LAMA2: variants seen among roughly 807,000 people sequenced by gnomAD.
The protein encoded by LAMA2 is laminin subunit alpha 2, also known as laminin subunit alpha-2.
Under a neutral mutation model 364.8 loss-of-function variants are expected in LAMA2, and 269 were observed. That is an observed-to-expected ratio of 0.74 (90% confidence interval 0.67 to 0.82). The LOEUF (loss-of-function observed/expected upper bound fraction) is 0.82, where lower values mean the gene tolerates loss of function less well. LAMA2 is among the 40% of genes least tolerant of loss of function. LAMA2 has a pLI of 0.00. For missense variants in LAMA2, 3,807 were observed against 3,873.2 expected, an observed-to-expected ratio of 0.98 and a Z score of 0.45; for synonymous variants, 1,379 against 1,370.6, an observed-to-expected ratio of 1.01 and a Z score of -0.14.
chr6:129,420,194 T>A (rs1409493096), intron 40 of LAMA2, among the ~76,000 whole-genome samples: 1 of 152,114 alleles, frequency 6.6e-6, no homozygotes, highest in Admixed American at 6.5e-5. Flanking sequence ...ACTATGGGAA[T>A]GAACATCACA....
intron 45 of LAMA2, among the ~76,000 whole-genome samples, chr6:129,449,903 A>G (rs1418898669): frequency 6.6e-6 from 1 of 151,322 alleles, no homozygotes; most frequent in African/African-American, 2.4e-5. Flanking sequence ...CCCAGGTTCA[A>G]GCAATTCTCC....
intron 4 of LAMA2, among the ~76,000 whole-genome samples, chr6:129,114,686 A>T (rs1776360675): frequency 6.6e-6 from 1 of 151,962 alleles, no homozygotes; most frequent in African/African-American, 2.4e-5. Context: ...GAAAGACGCT[A>T]CTGTTTACGA....
intron 55 of LAMA2, among the ~76,000 whole-genome samples, chr6:129,485,530 A>G (rs1216233850): frequency 2.0e-5 from 3 of 152,202 alleles, no homozygotes; most frequent in Non-Finnish European, 2.9e-5. Flanking sequence ...GACAAGTTTT[A>G]TATTTCAAAG....
At chr6:128,951,665 G>A (rs1272291222) in intron 1 of LAMA2, among the ~76,000 whole-genome samples, 1 of 152,074 alleles carries the variant, frequency 6.6e-6, no homozygotes, top group Non-Finnish European at 1.5e-5. Context: ...TTGCAGTCTA[G>A]TGTCATCAAG....
At chr6:129,346,497 G>A (rs985133558) in intron 30 of LAMA2, among the ~76,000 whole-genome samples, 1 of 151,972 alleles carries the variant, frequency 6.6e-6, no homozygotes, top group Admixed American at 6.6e-5. Context: ...CATTTACTAA[G>A]CATATACTTC....
At chr6:128,927,641 A>G (rs969682943) in intron 1 of LAMA2, among the ~76,000 whole-genome samples, 1 of 151,988 alleles carries the variant, frequency 6.6e-6, no homozygotes, top group African/African-American at 2.4e-5. Context: ...CCTGTTTCCA[A>G]ATTTCTGCTG....
chr6:129,393,863 C>T (rs544401872), intron 37 of LAMA2, among the ~76,000 whole-genome samples: 4 of 152,234 alleles, frequency 2.6e-5, no homozygotes, highest in East Asian at 3.9e-4. Flanking sequence ...TTTTTCTATG[C>T]GCTGTGTTCT....
intron 12 of LAMA2, among the ~76,000 whole-genome samples, chr6:129,215,084 T>C (rs1307789585): frequency 6.6e-6 from 1 of 152,192 alleles, no homozygotes; most frequent in African/African-American, 2.4e-5. Context: ...TTTGCTAATA[T>C]ATAGGAAAGC....
chr6:129,018,207 CAAAA>C lies in LAMA2; in HGVS notation c.113-31710_113-31707del, dbSNP rs1438049121. Among the ~76,000 whole-genome samples, 4 of 151,442 alleles carry C rather than the reference CAAAA, an allele frequency of 2.6e-5. No homozygotes were observed. The East Asian group carries it at 5.8e-4, about 22-fold the overall frequency. On this transcript the variant is annotated intron_variant, in intron 1 of 64. Coordinates refer to ENST00000421865, the MANE Select transcript of LAMA2 (RefSeq NM_000426.4). ...AATAATAAACTGTCTTTTTAGGAAA[CAAAA>C]GAAGTATTTTAGAAAAAGACATTAA...
chr6:128,933,352 G>C (rs1478018827), intron 1 of LAMA2, among the ~76,000 whole-genome samples: 2 of 151,936 alleles, frequency 1.3e-5, no homozygotes, highest in African/African-American at 4.8e-5. Flanking sequence ...TATCTTGACT[G>C]TTGTGAATGA....
At position 129,402,173 on chromosome 6, in the gene LAMA2, C is replaced by T. The variant is rs1780012651; in HGVS notation, c.5563-151C>T. ...GCAGTGAGCTGAGATCGCACCACTG[C>T]ATTCCAGCCTGGGTGACAGAGCAAG... On this transcript the variant is annotated intron_variant, in intron 38 of 64. Transcript: ENST00000421865. The T allele has an allele frequency of 5.1e-6, 3 of 586,070 alleles. No individual in the cohort carries two copies. The African/African-American group carries it at 6.2e-5, about 12-fold the overall frequency. 36.3% of individuals were successfully genotyped at this position (586,070 alleles called of 1,614,324 possible).
At chr6:129,024,837 TA>T (rs1785693643) in intron 1 of LAMA2, among the ~76,000 whole-genome samples, 1 of 152,096 alleles carries the variant, frequency 6.6e-6, no homozygotes, top group Non-Finnish European at 1.5e-5. Context: ...TAATCCCAGC[TA>T]CTTGGGAGGC....
intron 20 of LAMA2, among the ~76,000 whole-genome samples, chr6:129,295,727 C>T (rs1773131510): frequency 6.6e-6 from 1 of 151,084 alleles, no homozygotes; most frequent in Admixed American, 6.6e-5. Context: ...TACACACACC[C>T]CTTTAATGAG....
intron 61 of LAMA2, among the ~76,000 whole-genome samples, chr6:129,506,968 T>C (rs1220110295): frequency 6.6e-6 from 1 of 152,114 alleles, no homozygotes; most frequent in African/African-American, 2.4e-5. Flanking sequence ...CCCCAATGTT[T>C]CATGCAAACT....
At chr6:129,251,574 T>C (rs1217473130) in intron 13 of LAMA2, among the ~76,000 whole-genome samples, 2 of 152,190 alleles carry the variant, frequency 1.3e-5, no homozygotes, top group African/African-American at 4.8e-5. Flanking sequence ...GAAATTGCAT[T>C]GCCTTCCCTT....
At chr6:129,017,196 T>G (rs538218986) in intron 1 of LAMA2, among the ~76,000 whole-genome samples, 16 of 152,154 alleles carry the variant, frequency 1.1e-4, no homozygotes, top group Non-Finnish European at 2.2e-4. Context: ...GTCAATTATT[T>G]TAACCGTTTT....
intron 29 of LAMA2, among the ~76,000 whole-genome samples, chr6:129,329,435 C>T (rs1215394602): frequency 1.3e-5 from 2 of 152,058 alleles, no homozygotes; most frequent in Non-Finnish European, 2.9e-5. Context: ...GATCCTGGCT[C>T]ACTGCAACCT....
chr6:129,037,478 A>G (rs759944676), intron 1 of LAMA2, among the ~76,000 whole-genome samples: 1 of 152,178 alleles, frequency 6.6e-6, no homozygotes, highest in South Asian at 2.1e-4. Context: ...TCAGTTATCA[A>G]TTACATTATT....
intron 22 of LAMA2, among the ~76,000 whole-genome samples, chr6:129,310,194 C>T (rs1473911983): frequency 6.6e-6 from 1 of 152,104 alleles, no homozygotes; most frequent in South Asian, 2.1e-4. Flanking sequence ...CCACCGCGCC[C>T]GGCCGATAAT....
Sources: gnomAD v4.1 joint callset for allele counts (sites outside exome capture counted in the v4.1 genomes callset) on GRCh38, gnomAD v4.1.1 for gene constraint, MANE v1.5 for transcripts, NCBI Gene and HGNC (gene_info 2026-07-23, HGNC 2026-07-21) for gene names.